The following CD96 variants were observed in gnomAD, a reference collection of about 807,000 sequenced individuals.
CD96 encodes the protein CD96 molecule.
In CD96, 70 loss-of-function variants were observed where a neutral mutation model predicts 71.3. That is an observed-to-expected ratio of 0.98 (90% confidence interval 0.81 to 1.20). The LOEUF is 1.20. CD96 is among the 50% of genes most tolerant of loss of function. The pLI is 0.00. For missense variants in CD96, 742 were observed against 677.5 expected, an observed-to-expected ratio of 1.10 and a Z score of -1.06; for synonymous variants, 248 against 233.0, an observed-to-expected ratio of 1.06 and a Z score of -0.59.
intron 8 of CD96, among the ~76,000 whole-genome samples, chr3:111,616,444 C>T (rs1301763947): frequency 1.3e-5 from 2 of 151,674 alleles, no homozygotes; most frequent in Non-Finnish European, 2.9e-5. Context: ...GGACAGGAAG[C>T]TGAAAGGTGG....
chr3:111,574,606 A>C (rs1936138087), intron 3 of CD96, among the ~76,000 whole-genome samples: 1 of 152,204 alleles, frequency 6.6e-6, no homozygotes, highest in Non-Finnish European at 1.5e-5. Flanking sequence ...GATCCCTTTC[A>C]GCAGTTATCA....
At position 111,617,783 on chromosome 3, in the gene CD96, A is replaced by T. The variant is rs149977264; in HGVS notation, c.1181-5971A>T. On this transcript the variant is annotated intron_variant, in intron 8 of 13. Coordinates refer to ENST00000352690, the MANE Select transcript of CD96 (RefSeq NM_005816.5). Reference sequence around the variant, plus strand: ...GAATGGTGGGACTGAAAGAGTTGTAACACAAACCCAGCTGAAACACACCTC... The same window carrying T: ...GAATGGTGGGACTGAAAGAGTTGTATCACAAACCCAGCTGAAACACACCTC... 3.2e-3 allele frequency among the ~76,000 whole-genome samples: 484 copies of T among 152,328 alleles called. 1 individual carries two copies. The highest frequency in any genetic ancestry group is 5.3e-3 in the Non-Finnish European group (359 of 68,032).
intron 2 of CD96, among the ~76,000 whole-genome samples, chr3:111,567,195 T>G (rs1464614805): frequency 1.3e-5 from 2 of 152,164 alleles, no homozygotes; most frequent in Non-Finnish European, 2.9e-5. Context: ...TTATGAAGTT[T>G]TGTATTCTAT....
intron 8 of CD96, among the ~76,000 whole-genome samples, chr3:111,621,380 G>T (rs1347787613): frequency 6.6e-6 from 1 of 152,202 alleles, no homozygotes; most frequent in African/African-American, 2.4e-5. Flanking sequence ...AAGGAGGAAA[G>T]AACCATCTTT....
At chr3:111,630,881 CA>C (rs1253905775) in intron 10 of CD96, among the ~76,000 whole-genome samples, 1 of 152,212 alleles carries the variant, frequency 6.6e-6, no homozygotes, top group Non-Finnish European at 1.5e-5. Context: ...TGTGATTCAT[CA>C]CATAAACAGA....
chr3:111,611,288 C>A (rs948278701), intron 8 of CD96, among the ~76,000 whole-genome samples: 1 of 152,154 alleles, frequency 6.6e-6, no homozygotes, highest in African/African-American at 2.4e-5. Context: ...GATGATCAGA[C>A]ATTGAGGGGC....
intron 5 of CD96, among the ~76,000 whole-genome samples, chr3:111,597,087 A>G (rs761269871): frequency 3.9e-5 from 6 of 152,248 alleles, no homozygotes; most frequent in Non-Finnish European, 8.8e-5. Flanking sequence ...TTGGCACACA[A>G]ATCATCACAT....
chr3:111,553,477 A>ATCAC (rs1934831904), intron 2 of CD96, among the ~76,000 whole-genome samples: 1 of 137,206 alleles, frequency 7.3e-6, no homozygotes. Flanking sequence ...GATGATGCAT[A>ATCAC]GTTATATGAG....
chr3:111,592,435 C>T (rs1937036430), intron 5 of CD96, among the ~76,000 whole-genome samples: 1 of 152,182 alleles, frequency 6.6e-6, no homozygotes, highest in Non-Finnish European at 1.5e-5. Context: ...AAATAAATAA[C>T]TGGTCTGTAG....
intron 3 of CD96, among the ~76,000 whole-genome samples, chr3:111,574,244 T>C (rs183245866): frequency 2.5e-4 from 38 of 150,172 alleles, no homozygotes; most frequent in South Asian, 4.2e-4. Flanking sequence ...ATCAAGGAGG[T>C]TGAACATCCC....
At chr3:111,649,045 G>A (rs980053876) in intron 13 of CD96, among the ~76,000 whole-genome samples, 4 of 152,186 alleles carry the variant, frequency 2.6e-5, no homozygotes, top group Non-Finnish European at 5.9e-5. Context: ...ATTGAGAAGA[G>A]CTTTACTTCC....
Position 111,579,079 on chromosome 3 carries a change from A to G in CD96, c.596A>G (p.Asn199Ser). Residue 199 changes from asparagine to serine, a missense_variant, in exon 4 of 14, where the codon AAT (asparagine) becomes AGT (serine). Asn to Ser is a conservative substitution (Grantham distance 46). Coordinates refer to ENST00000352690, the MANE Select transcript of CD96 (RefSeq NM_005816.5). ...TLISQNHLIS[N>S]STLLKDRVKL... ...ATCTCCCAAAATCACCTCATCAGCA[A>G]TTCCACATTACTTAAAGATAGAGTC... 1 of 1,609,590 alleles carries G rather than the reference A, an allele frequency of 6.2e-7. No individual in the cohort carries two copies. Among genetic ancestry groups the G allele is most frequent in the Non-Finnish European group, 8.5e-7 (1 of 1,175,740 alleles).
At chr3:111,569,717 C>T (rs1935887756) in intron 3 of CD96, among the ~76,000 whole-genome samples, 1 of 152,136 alleles carries the variant, frequency 6.6e-6, no homozygotes, top group Non-Finnish European at 1.5e-5. Context: ...AATGTAAAGC[C>T]TTCAGTATGT....
chr3:111,618,616 G>T (rs918935698), intron 8 of CD96, among the ~76,000 whole-genome samples: 2 of 131,560 alleles, frequency 1.5e-5, no homozygotes, highest in African/African-American at 2.9e-5. Flanking sequence ...ACAGAGTCTC[G>T]CTCTGTTGCC....
intron 6 of CD96, among the ~76,000 whole-genome samples, chr3:111,598,868 ACAGCTATTCTC>A (rs1937370676): frequency 6.6e-6 from 1 of 152,212 alleles, no homozygotes; most frequent in Non-Finnish European, 1.5e-5. Context: ...TGCCTGAACA[ACAGCTATTCTC>A]CTTTCTCCTG....
At chr3:111,641,534 C>A (rs1939590706) in intron 12 of CD96, among the ~76,000 whole-genome samples, 1 of 152,120 alleles carries the variant, frequency 6.6e-6, no homozygotes, top group African/African-American at 2.4e-5. Context: ...AGATAGACAG[C>A]AACAAAATAA....
chr3:111,606,362 T>G (rs1181705997), intron 7 of CD96, among the ~76,000 whole-genome samples: 1 of 152,216 alleles, frequency 6.6e-6, no homozygotes, highest in Non-Finnish European at 1.5e-5. Flanking sequence ...TTTTACCAGG[T>G]CTTGGTAAAG....
At chr3:111,590,796 A>G (rs1460164676) in intron 5 of CD96, among the ~76,000 whole-genome samples, 2 of 152,222 alleles carry the variant, frequency 1.3e-5, no homozygotes, top group Non-Finnish European at 2.9e-5. Flanking sequence ...ATGATGTAGC[A>G]TAAGAAGGCA....
At chr3:111,625,730 A>G (rs1042845977) in intron 10 of CD96, among the ~76,000 whole-genome samples, 2 of 152,218 alleles carry the variant, frequency 1.3e-5, no homozygotes, top group Non-Finnish European at 2.9e-5. Context: ...ACAAAGAGAC[A>G]TAACCATAAA....
Sources: gnomAD v4.1 joint callset for allele counts (sites outside exome capture counted in the v4.1 genomes callset) on GRCh38, gnomAD v4.1.1 for gene constraint, MANE v1.5 for transcripts, NCBI Gene and HGNC (gene_info 2026-07-23, HGNC 2026-07-21) for gene names.